Variants in TMEM132D observed in about 807,000 individuals in gnomAD.
TMEM132D encodes transmembrane protein 132D, also known as mature OL transmembrane protein.
Under a neutral mutation model 62.3 loss-of-function variants are expected in TMEM132D, and 21 were observed. The observed-to-expected ratio is 0.34, with a 90% CI of 0.24 to 0.49. TMEM132D has a LOEUF of 0.49. TMEM132D is among the 20% of genes least tolerant of loss of function. TMEM132D has a pLI of 0.99. For missense variants in TMEM132D, 1,346 were observed against 1,402.8 expected (o/e 0.96, Z 0.65); for synonymous variants, 621 against 575.6 (o/e 1.08, Z -1.13).
In TMEM132D at chr12:129,344,556, G is replaced by T. The variant is rs182349868; in HGVS notation, c.1116-6739C>A. On this transcript the variant is annotated intron_variant, in intron 3 of 8. Coordinates refer to ENST00000422113, the MANE Select transcript of TMEM132D (RefSeq NM_133448.3). Reference sequence around the variant, plus strand: ...AGGCAAGGATGCTTGACCAACCTTGGCTTAGAGGCCTGACTTTGGGTTAGG... The same window carrying T: ...AGGCAAGGATGCTTGACCAACCTTGTCTTAGAGGCCTGACTTTGGGTTAGG... Among the ~76,000 whole-genome samples, 3 of 152,232 alleles carry T rather than the reference G, an allele frequency of 2.0e-5. No individual in the cohort carries two copies. The East Asian group carries it at 5.8e-4, about 29-fold the overall frequency.
intron 3 of TMEM132D, among the ~76,000 whole-genome samples, chr12:129,397,742 A>C (rs2135698342): frequency 6.6e-6 from 1 of 152,312 alleles, no homozygotes; most frequent in Middle Eastern, 3.4e-3. Context: ...TTCTTTCCAA[A>C]GTTTTCCTAG....
chr12:129,701,290 T>A (rs1881379886), intron 1 of TMEM132D, among the ~76,000 whole-genome samples: 1 of 152,148 alleles, frequency 6.6e-6, no homozygotes. Context: ...TGCACAATCA[T>A]AAATCACATG....
rs67889726 is a variant in TMEM132D at position 129,809,324 on chromosome 12, AT to A, written c.79+93936del. Among the ~76,000 whole-genome samples the A allele has an allele frequency of 2.1e-3, 268 of 126,264 alleles. 2 individuals carry two copies. The highest frequency in any genetic ancestry group is 7.5e-3 in the African/African-American group (261 of 34,880). 82.8% of individuals were successfully genotyped at this position (126,264 alleles called of 152,430 possible). On this transcript the variant is annotated intron_variant, in intron 1 of 8. Coordinates refer to ENST00000422113, the MANE Select transcript of TMEM132D (RefSeq NM_133448.3). ...CTCCATATCAAAAAAAAAAAAAAAA[AT>A]TTTTTTTTGAACGCTCTGAGCAAAC...
chr12:129,465,495 G>A (rs1323932937), intron 3 of TMEM132D, among the ~76,000 whole-genome samples: 2 of 152,138 alleles, frequency 1.3e-5, no homozygotes, highest in East Asian at 3.9e-4. Context: ...TAGGAAAAGA[G>A]GAAGTCAAAT....
chr12:129,749,755 G>A (rs774213774), intron 1 of TMEM132D, among the ~76,000 whole-genome samples: 6 of 151,908 alleles, frequency 3.9e-5, no homozygotes, highest in African/African-American at 1.2e-4. Context: ...ATGAGCCACC[G>A]CGCCTAGCCT....
chr12:129,326,209 C>A (rs1045505298), intron 4 of TMEM132D, among the ~76,000 whole-genome samples: 1 of 152,156 alleles, frequency 6.6e-6, no homozygotes, highest in Non-Finnish European at 1.5e-5. Flanking sequence ...GGAAAATACA[C>A]TTTTCTCACG....
intron 3 of TMEM132D, among the ~76,000 whole-genome samples, chr12:129,519,359 C>T (rs1220289493): frequency 1.3e-5 from 2 of 152,162 alleles, no homozygotes; most frequent in African/African-American, 4.8e-5. Flanking sequence ...CTGCCCTGAA[C>T]ACTTACTTGA....
At chr12:129,579,527 A>C (rs1209360069) in intron 2 of TMEM132D, among the ~76,000 whole-genome samples, 2 of 152,222 alleles carry the variant, frequency 1.3e-5, no homozygotes, top group African/African-American at 4.8e-5. Flanking sequence ...TCTGTGGCTA[A>C]AGGCCTGAGA....
At chr12:129,520,746 G>C (rs561126124) in intron 3 of TMEM132D, among the ~76,000 whole-genome samples, 2 of 152,316 alleles carry the variant, frequency 1.3e-5, no homozygotes. Flanking sequence ...TCTGTGTCTT[G>C]ATATTAAAAA....
intron 2 of TMEM132D, among the ~76,000 whole-genome samples, chr12:129,669,670 A>G (rs1880455876): frequency 6.6e-6 from 1 of 152,110 alleles, no homozygotes; most frequent in Admixed American, 6.5e-5. Flanking sequence ...ATGCCACTGC[A>G]CTCCAGCCTG....
At chr12:129,364,722 T>C (rs908297473) in intron 3 of TMEM132D, among the ~76,000 whole-genome samples, 7 of 152,170 alleles carry the variant, frequency 4.6e-5, no homozygotes, top group African/African-American at 1.4e-4. Flanking sequence ...GTGCATTCAT[T>C]CCAGGCATCA....
intron 3 of TMEM132D, among the ~76,000 whole-genome samples, chr12:129,381,414 C>G (rs1272575879): frequency 6.6e-6 from 1 of 152,186 alleles, no homozygotes; most frequent in African/African-American, 2.4e-5. Context: ...TTCCAAGCAA[C>G]TTGAAATTGC....
intron 2 of TMEM132D, among the ~76,000 whole-genome samples, chr12:129,551,274 AT>A (rs1171266717): frequency 6.6e-6 from 1 of 152,230 alleles, no homozygotes; most frequent in African/African-American, 2.4e-5. Context: ...TGTTTAGAGC[AT>A]TAAGTTTGTG....
At chr12:129,825,953 A>C (rs1872652038) in intron 1 of TMEM132D, among the ~76,000 whole-genome samples, 1 of 152,300 alleles carries the variant, frequency 6.6e-6, no homozygotes, top group Non-Finnish European at 1.5e-5. Flanking sequence ...AATTCCAGCT[A>C]TTCATGAGGC....
chr12:129,439,839 G>C (rs879798573), intron 3 of TMEM132D, among the ~76,000 whole-genome samples: 4 of 152,056 alleles, frequency 2.6e-5, no homozygotes, highest in Non-Finnish European at 5.9e-5. Context: ...ATCCTTTCCT[G>C]CCTTGTGGAA....
Position 129,839,612 on chromosome 12 carries a change from C to T in TMEM132D, c.79+63649G>A, listed in dbSNP as rs1245622479. 2.0e-5 allele frequency among the ~76,000 whole-genome samples: 3 copies of T among 152,146 alleles called. No individual in the cohort carries two copies. In the East Asian group the frequency reaches 5.8e-4, roughly 29 times the overall value. Reference sequence around the variant, plus strand: ...ATAGGTAGTTTTGGCCCCAGGAATTCCCCTTCTGGGAATATGCCTTAAAAA... The same window carrying T: ...ATAGGTAGTTTTGGCCCCAGGAATTTCCCTTCTGGGAATATGCCTTAAAAA... On this transcript the variant is annotated intron_variant, in intron 1 of 8. Transcript: ENST00000422113.
chr12:129,159,758 C>CAA (rs1188064357), intron 5 of TMEM132D, among the ~76,000 whole-genome samples: 5 of 27,342 alleles, frequency 1.8e-4, no homozygotes, highest in South Asian at 1.1e-3. Flanking sequence ...GACTCGGGCT[C>CAA]AAAAAAAAAA....
At chr12:129,399,597 C>A (rs893638174) in intron 3 of TMEM132D, among the ~76,000 whole-genome samples, 1 of 149,272 alleles carries the variant, frequency 6.7e-6, no homozygotes, top group Admixed American at 6.7e-5. Flanking sequence ...ACATTCACAC[C>A]ACAGAACGTA....
chr12:129,874,457 G>C (rs1268245417), intron 1 of TMEM132D, among the ~76,000 whole-genome samples: 1 of 152,026 alleles, frequency 6.6e-6, no homozygotes, highest in South Asian at 2.1e-4. Flanking sequence ...AAAAGTAACT[G>C]TGTGAGGTGA....
Sources: gnomAD v4.1 joint callset for allele counts (sites outside exome capture counted in the v4.1 genomes callset) on GRCh38, gnomAD v4.1.1 for gene constraint, MANE v1.5 for transcripts, NCBI Gene and HGNC (gene_info 2026-07-23, HGNC 2026-07-21) for gene names.